TNR: variants seen among roughly 807,000 people sequenced by gnomAD.
TNR encodes tenascin R.
Under a neutral mutation model 150.4 loss-of-function variants are expected in TNR, and 45 were observed. That is an observed-to-expected ratio of 0.30 (90% CI 0.24 to 0.38). TNR has a LOEUF of 0.38. Among genes scored for constraint, TNR ranks in the 10% least tolerant of loss-of-function variants. TNR has a pLI of 1.00. For synonymous variants in TNR, 687 were observed against 678.4 expected, an observed-to-expected ratio of 1.01 and a Z score of -0.20; for missense variants, 1,544 against 1,759.1, an observed-to-expected ratio of 0.88 and a Z score of 2.19.
At position 175,685,571 on chromosome 1, in the gene TNR, G is replaced by C. The variant is rs1666169532; in HGVS notation, c.-165+57655C>G. 2.0e-5 allele frequency among the ~76,000 whole-genome samples: 3 copies of C among 152,228 alleles called. No individual in the cohort carries two copies. In the South Asian group the frequency reaches 6.2e-4, roughly 32 times the overall value. ...ATATTCTCTCAAATGGGTGTCCATG[G>C]CATGAAGGAGCAGGATAAGAAGGTG... On this transcript the variant is annotated intron_variant, in intron 1 of 22. Coordinates refer to ENST00000367674, the MANE Select transcript of TNR (RefSeq NM_003285.3).
rs565864586 is a variant in TNR, at chr1:175,478,417, T to C, written c.-64+49852A>G. On this transcript the variant is annotated intron_variant, in intron 2 of 22. Coordinates refer to ENST00000367674, the MANE Select transcript of TNR (RefSeq NM_003285.3). ...GCAAGCCAGACACTGATTCATGGTC[T>C]GACCTTGGACAAAATTACCCCAGCT... Among the ~76,000 whole-genome samples, 2 of 152,296 alleles carry C rather than the reference T, an allele frequency of 1.3e-5. 1 individual carries two copies. The highest frequency in any genetic ancestry group is 4.8e-5 in the African/African-American group (2 of 41,564).
intron 1 of TNR, among the ~76,000 whole-genome samples, chr1:175,580,899 C>A (rs1662326067): frequency 6.6e-6 from 1 of 151,860 alleles, no homozygotes; most frequent in African/African-American, 2.4e-5. Context: ...GTATATTCTT[C>A]TAGAAAGAAC....
intron 1 of TNR, among the ~76,000 whole-genome samples, chr1:175,650,831 C>A (rs200183120): frequency 0.094 from 840 of 8,890 alleles, no homozygotes; most frequent in Non-Finnish European, 0.1. Flanking sequence ...TCCTTACTAC[C>A]CCTCCCCCAC....
chr1:175,706,694 T>C lies in TNR; in HGVS notation c.-165+36532A>G, dbSNP rs145746723. On this transcript the variant is annotated intron_variant, in intron 1 of 22. Transcript: ENST00000367674. The stretch of plus-strand genomic sequence containing the variant: ...CCCTGAATGGAAATCTCATTCCCTA[T>C]GACCCTTCCATTCACTGGCCCAGAT... Among the ~76,000 whole-genome samples the C allele has an allele frequency of 9.3e-3, 1,421 of 152,262 alleles. 26 individuals are homozygous for C. Among genetic ancestry groups the C allele is most frequent in the African/African-American group, 0.03 (1,232 of 41,554 alleles).
At chr1:175,726,918 G>T (rs1667496616) in intron 1 of TNR, among the ~76,000 whole-genome samples, 1 of 152,148 alleles carries the variant, frequency 6.6e-6, no homozygotes, top group Non-Finnish European at 1.5e-5. Flanking sequence ...GGCAGGGCTG[G>T]GGAAATCAGC....
At chr1:175,623,273 G>A (rs1405493729) in intron 1 of TNR, among the ~76,000 whole-genome samples, 2 of 152,014 alleles carry the variant, frequency 1.3e-5, no homozygotes, top group Non-Finnish European at 1.5e-5. Context: ...TAAATATTAG[G>A]TATTACTATT....
intron 1 of TNR, among the ~76,000 whole-genome samples, chr1:175,646,402 T>C (rs934459203): frequency 6.6e-6 from 1 of 152,234 alleles, no homozygotes; most frequent in Non-Finnish European, 1.5e-5. Context: ...GCAGGAGCAG[T>C]GCCAGGTAGA....
At chr1:175,330,304 G>A (rs966990799) in intron 20 of TNR, 69 bp from the exon 21 acceptor site, 27 of 1,439,238 alleles carry the variant, frequency 1.9e-5, no homozygotes, top group African/African-American at 8.5e-5. Context: ...AGGGAAATGC[G>A]TCTGTGGCTT....
At chr1:175,515,648 T>C (rs891784467) in intron 2 of TNR, among the ~76,000 whole-genome samples, 15 of 152,238 alleles carry the variant, frequency 9.9e-5, no homozygotes, top group African/African-American at 2.9e-4. Flanking sequence ...GTGCATTCCT[T>C]GCTAAGAAAG....
intron 2 of TNR, among the ~76,000 whole-genome samples, chr1:175,488,489 T>C (rs1307497911): frequency 6.6e-6 from 1 of 152,180 alleles, no homozygotes; most frequent in Non-Finnish European, 1.5e-5. Flanking sequence ...AATACAACCC[T>C]GCCCAGTTTC....
At chr1:175,513,264 T>C (rs893828507) in intron 2 of TNR, among the ~76,000 whole-genome samples, 2 of 152,210 alleles carry the variant, frequency 1.3e-5, no homozygotes, top group African/African-American at 2.4e-5. Flanking sequence ...CATCTCCTGA[T>C]GTTTCCTCCC....
intron 1 of TNR, among the ~76,000 whole-genome samples, chr1:175,540,413 G>C (rs1025718582): frequency 1.3e-5 from 2 of 152,164 alleles, no homozygotes; most frequent in Non-Finnish European, 2.9e-5. Flanking sequence ...TGAGGAGAAG[G>C]GAAAGGTTTT....
intron 1 of TNR, among the ~76,000 whole-genome samples, chr1:175,614,275 G>A (rs1399570514): frequency 6.6e-6 from 1 of 152,208 alleles, no homozygotes; most frequent in Non-Finnish European, 1.5e-5. Flanking sequence ...TGTGGAGCAA[G>A]GTGAAGAGGG....
intron 1 of TNR, among the ~76,000 whole-genome samples, chr1:175,649,637 C>G (rs1664895171): frequency 6.6e-6 from 1 of 152,200 alleles, no homozygotes; most frequent in South Asian, 2.1e-4. Context: ...ACCCAGGCAT[C>G]ACTTCTTCAC....
intron 2 of TNR, among the ~76,000 whole-genome samples, chr1:175,461,105 C>T (rs1034998512): frequency 6.6e-6 from 1 of 152,206 alleles, no homozygotes; most frequent in East Asian, 1.9e-4. Flanking sequence ...CTCAAAGCCT[C>T]AAGAATCGCT....
intron 20 of TNR, 109 bp downstream of exon 20, chr1:175,335,602 C>G (rs1447525266): frequency 9.3e-7 from 1 of 1,070,866 alleles, no homozygotes; most frequent in African/African-American, 1.6e-5. Context: ...GAGCTGTTAG[C>G]TTCTCAACAA....
At chr1:175,438,779 T>C (rs1655636430) in intron 2 of TNR, among the ~76,000 whole-genome samples, 1 of 152,138 alleles carries the variant, frequency 6.6e-6, no homozygotes, top group African/African-American at 2.4e-5. Context: ...TCACAATTGC[T>C]ACAAAGAGAA....
chr1:175,400,860 CA>C (rs1364122949), intron 4 of TNR, among the ~76,000 whole-genome samples: 1 of 152,122 alleles, frequency 6.6e-6, no homozygotes, highest in African/African-American at 2.4e-5. Context: ...AGCAAAGGAG[CA>C]CTTTAGATAA....
intron 1 of TNR, among the ~76,000 whole-genome samples, chr1:175,725,875 C>A (rs1401145520): frequency 6.6e-6 from 1 of 152,178 alleles, no homozygotes; most frequent in Non-Finnish European, 1.5e-5. Context: ...TTCCTGAAGC[C>A]TGGTTGCCTC....
Sources: gnomAD v4.1 joint callset for allele counts (sites outside exome capture counted in the v4.1 genomes callset) on GRCh38, gnomAD v4.1.1 for gene constraint, MANE v1.5 for transcripts, NCBI Gene and HGNC (gene_info 2026-07-23, HGNC 2026-07-21) for gene names.